NRG3: variants seen among roughly 807,000 people sequenced by gnomAD.
NRG3 encodes the protein neuregulin 3.
In NRG3, 31 loss-of-function variants were observed where a neutral mutation model predicts 66.9. The observed-to-expected ratio is 0.46, with a 90% confidence interval of 0.35 to 0.63. The LOEUF (loss-of-function observed/expected upper bound fraction) is 0.63. Among genes scored for constraint, NRG3 ranks in the 20% least tolerant of loss-of-function variants. The pLI, the probability that NRG3 is intolerant of heterozygous loss-of-function variation, is 0.00. For synonymous variants in NRG3, 393 were observed against 359.4 expected (o/e 1.09, Z -1.06); for missense variants, 910 against 878.9 (o/e 1.04, Z -0.45).
At chr10:82,385,570 A>G (rs191073345) in intron 2 of NRG3, among the ~76,000 whole-genome samples, 2 of 152,282 alleles carry the variant, frequency 1.3e-5, no homozygotes, top group East Asian at 3.9e-4. Flanking sequence ...CTGAGATTGA[A>G]TTAGATTAAG....
chr10:81,991,134 T>C lies in NRG3; in HGVS notation c.823+114971T>C, dbSNP rs74769735. On this transcript the variant is annotated intron_variant, in intron 1 of 8. Coordinates refer to ENST00000372141, the MANE Select transcript of NRG3 (RefSeq NM_001010848.4). ...GAACCAGGAAGAGTTGGGCATGGGA[T>C]ATAGCTGGTTGATGGAAACTTTCAA... Among the ~76,000 whole-genome samples the C allele has an allele frequency of 8.3e-3, 1,270 of 152,260 alleles. 6 individuals are homozygous for C. Among genetic ancestry groups the C allele is most frequent in the African/African-American group, 0.022 (894 of 41,548 alleles).
At chr10:81,932,201 A>T (rs1168014174) in intron 1 of NRG3, among the ~76,000 whole-genome samples, 1 of 134,424 alleles carries the variant, frequency 7.4e-6, no homozygotes, top group Non-Finnish European at 1.6e-5. Flanking sequence ...GGAGAGAGAG[A>T]TTGAGAGAAA....
chr10:82,557,033 T>C (rs960031833), intron 2 of NRG3, among the ~76,000 whole-genome samples: 5 of 152,202 alleles, frequency 3.3e-5, no homozygotes, highest in African/African-American at 1.2e-4. Context: ...CTTTATCCAG[T>C]CTGTCATTGA....
rs1448963323 is a variant in NRG3 at position 82,204,538 on chromosome 10, A to G, written c.824-154201A>G. 2.6e-5 allele frequency among the ~76,000 whole-genome samples: 4 copies of G among 152,188 alleles called. No homozygotes were observed. In the South Asian group the frequency reaches 8.3e-4, roughly 32 times the overall value. ...TTTACTGGCAGCATGTTCCTATTAA[A>G]AGGAAATTCTCCAGTCAAGTGGCAT... On this transcript the variant is annotated intron_variant, in intron 1 of 8. Coordinates refer to ENST00000372141, the MANE Select transcript of NRG3 (RefSeq NM_001010848.4).
intron 2 of NRG3, among the ~76,000 whole-genome samples, chr10:82,386,792 TTTTA>T (rs1346668967): frequency 1.3e-5 from 2 of 152,112 alleles, no homozygotes; most frequent in East Asian, 1.9e-4. Context: ...TTTCTCTTCT[TTTTA>T]TTTATTTATT....
At position 82,667,551 on chromosome 10, in the gene NRG3, T is replaced by TC. The variant is rs202018199; in HGVS notation, c.954-71026_954-71025insC. 8.8e-3 allele frequency among the ~76,000 whole-genome samples: 1,333 copies of TC among 152,150 alleles called. 22 individuals carry two copies. Among genetic ancestry groups the TC allele is most frequent in the African/African-American group, 0.031 (1,288 of 41,514 alleles). On this transcript the variant is annotated intron_variant, in intron 2 of 8. Coordinates refer to ENST00000372141, the MANE Select transcript of NRG3 (RefSeq NM_001010848.4). ...GCCTGGAAGGAAAGCTAATTTTTTTTTAACTCACAGGCCTGAGATAATGAC... is the reference window on the plus strand; with the variant it reads ...GCCTGGAAGGAAAGCTAATTTTTTTTCTAACTCACAGGCCTGAGATAATGAC...
At chr10:81,885,813 G>T (rs1842566031) in intron 1 of NRG3, among the ~76,000 whole-genome samples, 1 of 152,042 alleles carries the variant, frequency 6.6e-6, no homozygotes, top group South Asian at 2.1e-4. Flanking sequence ...AGTCTATGAG[G>T]GGGGCCACTG....
At chr10:82,167,915 G>A (rs2072227024) in intron 1 of NRG3, among the ~76,000 whole-genome samples, 1 of 151,484 alleles carries the variant, frequency 6.6e-6, no homozygotes, top group South Asian at 2.1e-4. Context: ...TTTTTTTGAA[G>A]GGGGAAAGCG....
At chr10:82,094,730 C>A (rs1489885692) in intron 1 of NRG3, among the ~76,000 whole-genome samples, 1 of 152,082 alleles carries the variant, frequency 6.6e-6, no homozygotes, top group African/African-American at 2.4e-5. Flanking sequence ...ATGTTTCTTG[C>A]AGCAACATAT....
At chr10:82,229,402 A>G (rs944644672) in intron 1 of NRG3, among the ~76,000 whole-genome samples, 2 of 152,242 alleles carry the variant, frequency 1.3e-5, no homozygotes, top group African/African-American at 2.4e-5. Flanking sequence ...GGAAACAGAA[A>G]TTCAGGAAGA....
Position 82,958,570 on chromosome 10 carries a change from T to C in NRG3, c.1158-379T>C, listed in dbSNP as rs556564085. Among the ~76,000 whole-genome samples the C allele has an allele frequency of 2.0e-5, 3 of 152,332 alleles. No individual in the cohort carries two copies. In the South Asian group the frequency reaches 6.2e-4, roughly 32 times the overall value. On this transcript the variant is annotated intron_variant, in intron 5 of 8. Transcript: ENST00000372141. The stretch of plus-strand genomic sequence containing the variant: ...AAATATAAATGTAACTCTACAAATA[T>C]GTCATATGTACCTGCTAAGCCCAAG...
At chr10:82,233,481 A>G (rs2076599588) in intron 1 of NRG3, among the ~76,000 whole-genome samples, 2 of 152,244 alleles carry the variant, frequency 1.3e-5, no homozygotes, top group South Asian at 2.1e-4. Context: ...CAGAAAATTT[A>G]AATATACATT....
intron 2 of NRG3, among the ~76,000 whole-genome samples, chr10:82,730,654 A>G (rs1162946585): frequency 1.3e-5 from 2 of 152,214 alleles, no homozygotes; most frequent in Non-Finnish European, 2.9e-5. Flanking sequence ...ACAAGTGGTT[A>G]ACTTAAAGAT....
chr10:82,814,977 A>C (rs1462222226), intron 3 of NRG3, among the ~76,000 whole-genome samples: 1 of 152,202 alleles, frequency 6.6e-6, no homozygotes, highest in African/African-American at 2.4e-5. Flanking sequence ...AGAGCTACTC[A>C]GTACTGGAGC....
chr10:82,678,375 G>T (rs937589937), intron 2 of NRG3, among the ~76,000 whole-genome samples: 2 of 152,136 alleles, frequency 1.3e-5, no homozygotes, highest in African/African-American at 4.8e-5. Context: ...TTCTCTGGCC[G>T]GCAGGGGTGG....
At chr10:81,898,907 T>C (rs1274924881) in intron 1 of NRG3, among the ~76,000 whole-genome samples, 1 of 152,178 alleles carries the variant, frequency 6.6e-6, no homozygotes, top group African/African-American at 2.4e-5. Flanking sequence ...CAAACATTGG[T>C]AATAAATACA....
At chr10:82,607,281 A>C (rs2048025706) in intron 2 of NRG3, among the ~76,000 whole-genome samples, 1 of 152,034 alleles carries the variant, frequency 6.6e-6, no homozygotes, top group Non-Finnish European at 1.5e-5. Context: ...GGGTGCACAC[A>C]CTCTAAGGAA....
intron 2 of NRG3, among the ~76,000 whole-genome samples, chr10:82,520,915 T>C (rs1480075635): frequency 6.6e-6 from 1 of 152,202 alleles, no homozygotes; most frequent in Non-Finnish European, 1.5e-5. Context: ...ACCCCTCTTA[T>C]CTATTTTCTA....
At chr10:82,301,313 G>C (rs1366526990) in intron 1 of NRG3, among the ~76,000 whole-genome samples, 1 of 152,040 alleles carries the variant, frequency 6.6e-6, no homozygotes, top group East Asian at 1.9e-4. Flanking sequence ...AAGTGTTTAT[G>C]ATTTCTCGAT....
Sources: allele counts gnomAD v4.1 joint callset (sites outside exome capture counted in the v4.1 genomes callset), GRCh38; gene constraint gnomAD v4.1.1; transcripts MANE v1.5; gene names NCBI Gene and HGNC (gene_info 2026-07-23, HGNC 2026-07-21).